The following CEP83 variants were observed in gnomAD, a reference collection of about 807,000 sequenced individuals.
CEP83 encodes centrosomal protein of 83 kDa.
CEP83 carries 70 observed loss-of-function variants against 101.9 expected under a neutral mutation model. The observed-to-expected ratio is 0.69, with a 90% CI of 0.57 to 0.84. The LOEUF (loss-of-function observed/expected upper bound fraction) is 0.84. Ranked by LOEUF, CEP83 falls within the 40% of genes least tolerant of loss-of-function variation. The pLI, the probability that CEP83 is intolerant of heterozygous loss-of-function variation, is 0.00. For synonymous variants in CEP83, 264 were observed against 267.9 expected (o/e 0.99, Z 0.14); for missense variants, 715 against 787.2 (o/e 0.91, Z 1.10).
chr12:94,398,804 TG>T (rs2063065340), intron 6 of CEP83, among the ~76,000 whole-genome samples: 1 of 152,098 alleles, frequency 6.6e-6, no homozygotes, highest in Non-Finnish European at 1.5e-5. Context: ...ATTAATACCC[TG>T]GGGAAGGAAT....
intron 1 of CEP83, among the ~76,000 whole-genome samples, chr12:94,445,560 A>G (rs2066737983): frequency 6.6e-6 from 1 of 152,212 alleles, no homozygotes; most frequent in South Asian, 2.1e-4. Flanking sequence ...GATATACCAG[A>G]CTCAGGGGAA....
intron 1 of CEP83, among the ~76,000 whole-genome samples, chr12:94,439,573 C>G (rs542451454): frequency 2.0e-5 from 3 of 151,232 alleles, no homozygotes; most frequent in East Asian, 3.9e-4. Context: ...AAAAAAAGTC[C>G]AGGACCTGAT....
downstream of CEP83, chr12:94,303,665 T>C: frequency 8.6e-7 from 1 of 1,164,752 alleles, no homozygotes; most frequent in Non-Finnish European, 1.2e-6. Context: ...GGGGTTCAGC[T>C]ACATTGGAAT....
intron 2 of CEP83, among the ~76,000 whole-genome samples, chr12:94,427,076 T>G (rs567892844): frequency 2.6e-5 from 4 of 152,374 alleles, no homozygotes; most frequent in Non-Finnish European, 4.4e-5. Flanking sequence ...TTATATTTAC[T>G]TATAAAAAGG....
chr12:94,271,693 T>A, the CEP83 span, among the ~76,000 whole-genome samples: 1 of 152,212 alleles, frequency 6.6e-6, no homozygotes, highest in Admixed American at 6.5e-5. Context: ...AAATAATACA[T>A]GTACCACGTC....
intron 14 of CEP83, among the ~76,000 whole-genome samples, chr12:94,325,679 C>T (rs1003912870): frequency 6.6e-6 from 1 of 151,886 alleles, no homozygotes; most frequent in South Asian, 2.1e-4. Flanking sequence ...ACAGATAAAC[C>T]TCGTAGGGAA....
At chr12:94,450,628 A>G (rs935776373) in intron 1 of CEP83, among the ~76,000 whole-genome samples, 4 of 152,238 alleles carry the variant, frequency 2.6e-5, no homozygotes, top group African/African-American at 9.6e-5. Context: ...CATCAAAATT[A>G]TAACAGTCTT....
chr12:94,356,393 C>T (rs2060477142), intron 11 of CEP83, among the ~76,000 whole-genome samples: 6 of 152,112 alleles, frequency 3.9e-5, no homozygotes, highest in Admixed American at 3.9e-4. Context: ...CCTTCTGCAC[C>T]CCCTCATTAT....
chr12:94,456,714 A>C (rs2067706305), intron 1 of CEP83, among the ~76,000 whole-genome samples: 1 of 152,180 alleles, frequency 6.6e-6, no homozygotes, highest in African/African-American at 2.4e-5. Flanking sequence ...GCCATGATCC[A>C]ATTCCCTCCA....
intron 14 of CEP83, among the ~76,000 whole-genome samples, chr12:94,323,585 G>A (rs2058841378): frequency 6.6e-6 from 1 of 152,130 alleles, no homozygotes; most frequent in Admixed American, 6.5e-5. Flanking sequence ...TCAGTTGAAG[G>A]TGCTGTATTT....
At chr12:94,305,113 G>T, downstream of CEP83, 1 of 897,194 alleles carries the variant, frequency 1.1e-6, no homozygotes. Context: ...ACAGCATCAG[G>T]TATGCAAAAA....
chr12:94,378,853 T>C lies in CEP83; in HGVS notation c.739A>G (p.Asn247Asp). The C allele has an allele frequency of 6.2e-7, 1 of 1,614,080 alleles. No homozygotes were observed. The change falls in exon 7 of 17, where the codon AAT becomes GAT. Residue 247 changes from asparagine to aspartate, a missense_variant. Physicochemically the swap from Asn to Asp is conservative, Grantham distance 23. Coordinates refer to ENST00000397809, the MANE Select transcript of CEP83 (RefSeq NM_016122.3). ...EKENSEAQVE[N>D]AQRIQVRQLA... ...TGCCGCACCTGTATTCTTTGGGCAT[T>C]TTCCACCTGAGCCTCAGAATTCTCC...
At chr12:94,347,206 T>C (rs902149889) in intron 11 of CEP83, among the ~76,000 whole-genome samples, 1 of 151,830 alleles carries the variant, frequency 6.6e-6, no homozygotes, top group African/African-American at 2.4e-5. Flanking sequence ...AACACATAAA[T>C]AACTATTATA....
chr12:94,283,547 C>T, the CEP83 span, among the ~76,000 whole-genome samples: 1 of 152,124 alleles, frequency 6.6e-6, no homozygotes, highest in East Asian at 1.9e-4. Context: ...TTTGGCTGTA[C>T]GGGAGACGGG....
intron 11 of CEP83, among the ~76,000 whole-genome samples, chr12:94,359,495 T>C (rs894253126): frequency 3.9e-5 from 6 of 152,134 alleles, no homozygotes; most frequent in Non-Finnish European, 8.8e-5. Flanking sequence ...GAGACTATTA[T>C]GAGCAACTGT....
chr12:94,427,522 T>A (rs1464791608), intron 2 of CEP83, among the ~76,000 whole-genome samples: 1 of 152,218 alleles, frequency 6.6e-6, no homozygotes, highest in Admixed American at 6.5e-5. Flanking sequence ...GACCTCCATA[T>A]GACATTTTAT....
intron 6 of CEP83, among the ~76,000 whole-genome samples, chr12:94,382,536 T>C (rs1051785568): frequency 7.9e-5 from 12 of 151,894 alleles, no homozygotes; most frequent in Admixed American, 7.9e-4. Flanking sequence ...TGCATTTTCA[T>C]TTTCATCCAA....
At chr12:94,451,699 T>C (rs950425720) in intron 1 of CEP83, among the ~76,000 whole-genome samples, 6 of 152,172 alleles carry the variant, frequency 3.9e-5, no homozygotes, top group South Asian at 2.1e-4. Context: ...ACATTGCTGG[T>C]AGGATGTAAT....
At chr12:94,361,716 T>A (rs1323224441) in intron 11 of CEP83, among the ~76,000 whole-genome samples, 1 of 152,060 alleles carries the variant, frequency 6.6e-6, no homozygotes, top group Non-Finnish European at 1.5e-5. Flanking sequence ...TTTTTTTTTT[T>A]TTGAGACAGA....
Sources: allele counts gnomAD v4.1 joint callset (sites outside exome capture counted in the v4.1 genomes callset), GRCh38; gene constraint gnomAD v4.1.1; transcripts MANE v1.5; gene names NCBI Gene and HGNC (gene_info 2026-07-23, HGNC 2026-07-21).